Variants in KLHL3 observed in about 807,000 individuals in gnomAD.
KLHL3 encodes the protein kelch like family member 3, also known as kelch-like protein 3.
Under a neutral mutation model 70.5 loss-of-function variants are expected in KLHL3, and 19 were observed. The ratio of observed to expected loss-of-function variants is 0.27; its 90% CI spans 0.19 to 0.40. The LOEUF is 0.40. Ranked by LOEUF, KLHL3 falls within the 10% of genes least tolerant of loss-of-function variation. The pLI, the probability that KLHL3 is intolerant of heterozygous loss-of-function variation, is 1.00. For missense variants in KLHL3, 512 were observed against 771.1 expected (o/e 0.66, Z 3.98); for synonymous variants, 258 against 290.3 (o/e 0.89, Z 1.13).
chr5:137,625,658 A>G (rs1750439868), intron 14 of KLHL3, 95 bp downstream of exon 14: 18 of 1,458,178 alleles, frequency 1.2e-5, no homozygotes, highest in Non-Finnish European at 1.5e-5. Flanking sequence ...AAGTTAAGCA[A>G]GCTCACATCC....
intron 7 of KLHL3, among the ~76,000 whole-genome samples, chr5:137,660,468 A>T (rs1009939446): frequency 6.6e-6 from 1 of 152,118 alleles, no homozygotes. Context: ...AGGCAAGTTC[A>T]CTTCCTCCGC....
intron 12 of KLHL3, among the ~76,000 whole-genome samples, chr5:137,630,317 T>C (rs1750602285): frequency 6.6e-6 from 1 of 152,020 alleles, no homozygotes; most frequent in African/African-American, 2.4e-5. Context: ...TCCTCCAGTG[T>C]AGGTAAGAGA....
At chr5:137,713,264 C>T (rs374137746) in intron 2 of KLHL3, among the ~76,000 whole-genome samples, 5 of 151,480 alleles carry the variant, frequency 3.3e-5, no homozygotes, top group East Asian at 1.9e-4. Flanking sequence ...CAGGAGTTCA[C>T]GACCAGCCTG....
At chr5:137,634,422 C>A (rs1401769517) in intron 11 of KLHL3, among the ~76,000 whole-genome samples, 1 of 152,186 alleles carries the variant, frequency 6.6e-6, no homozygotes, top group Non-Finnish European at 1.5e-5. Context: ...CCCGCAAATA[C>A]CCAGCACAAA....
rs143791788 is a variant in KLHL3, at chr5:137,628,043, C to A, written c.1591+254G>T. 1.4e-5 allele frequency: 7 copies of A among 493,376 alleles called. No homozygotes were observed. In the East Asian group the frequency reaches 1.9e-4, roughly 13 times the overall value. The allele number at this position is 493,376 out of a possible 1,614,324, so 30.6% of individuals were successfully genotyped here. ...TCCCAGGTCTGTGCTCATCTGTGTG[C>A]GGTAAAAGTCATCACCCTTCACTGC... On this transcript the variant is annotated intron_variant, in intron 13 of 14. Transcript: ENST00000309755.
intron 12 of KLHL3, among the ~76,000 whole-genome samples, chr5:137,631,521 G>A (rs1750637048): frequency 6.6e-6 from 1 of 152,194 alleles, no homozygotes; most frequent in Non-Finnish European, 1.5e-5. Context: ...GCTCAGCTTT[G>A]TCAACTGAAG....
At chr5:137,627,389 G>C (rs1007862699) in intron 13 of KLHL3, among the ~76,000 whole-genome samples, 2 of 151,202 alleles carry the variant, frequency 1.3e-5, no homozygotes, top group Non-Finnish European at 2.9e-5. Flanking sequence ...CTGCCTTAAG[G>C]GTCCTGTAAT....
intron 3 of KLHL3, 27 bp downstream of exon 3, chr5:137,709,723 T>A: frequency 6.5e-7 from 1 of 1,544,438 alleles, no homozygotes; most frequent in Non-Finnish European, 9.0e-7. Context: ...CCCATAACCA[T>A]GGGTTAATGG....
intron 5 of KLHL3, among the ~76,000 whole-genome samples, chr5:137,678,000 C>T (rs146192621): frequency 1.1e-3 from 171 of 152,290 alleles, no homozygotes; most frequent in African/African-American, 3.8e-3. Flanking sequence ...GCTTATTTCC[C>T]CTCAGAGTGC....
chr5:137,682,637 C>T (rs1045494250), intron 5 of KLHL3, among the ~76,000 whole-genome samples: 1 of 152,098 alleles, frequency 6.6e-6, no homozygotes, highest in African/African-American at 2.4e-5. Flanking sequence ...TCCCAAAGCC[C>T]CCCAAACAAG....
chr5:137,637,262 G>A (rs1220615216), intron 11 of KLHL3, 32 bp downstream of exon 11: 8 of 1,565,622 alleles, frequency 5.1e-6, no homozygotes, highest in Non-Finnish European at 7.0e-6. Context: ...GGGCCAGGTA[G>A]GCCTGGCCAC....
intron 12 of KLHL3, 115 bp downstream of exon 12, chr5:137,633,922 T>C: frequency 1.5e-6 from 2 of 1,329,568 alleles, no homozygotes; most frequent in Non-Finnish European, 2.1e-6. Context: ...TTATGCAATA[T>C]ATCCATGTAA....
At chr5:137,632,251 C>G (rs1750656449) in intron 12 of KLHL3, among the ~76,000 whole-genome samples, 2 of 152,272 alleles carry the variant, frequency 1.3e-5, no homozygotes, top group Non-Finnish European at 2.9e-5. Flanking sequence ...TACCTGACTT[C>G]AAATTATATT....
At chr5:137,696,436 A>G (rs1752447006) in intron 4 of KLHL3, among the ~76,000 whole-genome samples, 1 of 152,276 alleles carries the variant, frequency 6.6e-6, no homozygotes, top group East Asian at 1.9e-4. Flanking sequence ...GCAACTGAGG[A>G]CAAATTACTT....
chr5:137,668,657 G>T (rs910369156), intron 6 of KLHL3, among the ~76,000 whole-genome samples: 2 of 152,112 alleles, frequency 1.3e-5, no homozygotes, highest in African/African-American at 4.8e-5. Flanking sequence ...TTAAATGAAA[G>T]CTTAACAAGA....
chr5:137,729,872 G>A (rs73790042), intron 1 of KLHL3, among the ~76,000 whole-genome samples: 3,484 of 152,194 alleles, frequency 0.023, 123 homozygotes, highest in African/African-American at 0.078. Context: ...ACTTGGTGGT[G>A]CAGTCCTGCT....
At chr5:137,661,174 T>C (rs1432925724) in intron 7 of KLHL3, 2 of 152,254 alleles carry the variant, frequency 1.3e-5, no homozygotes, top group Non-Finnish European at 2.9e-5. Flanking sequence ...GGAAGAACTA[T>C]GCACTGCAGA....
intron 5 of KLHL3, among the ~76,000 whole-genome samples, chr5:137,684,682 C>T (rs1752120491): frequency 1.3e-5 from 2 of 152,246 alleles, no homozygotes. Flanking sequence ...ACAAAGTCCC[C>T]ATAACCCTAG....
chr5:137,719,350 G>A (rs964144359), intron 2 of KLHL3, among the ~76,000 whole-genome samples: 1 of 152,252 alleles, frequency 6.6e-6, no homozygotes, highest in Non-Finnish European at 1.5e-5. Context: ...CCTATGAAGT[G>A]CCAGGTGCTA....
Sources: gnomAD v4.1 joint callset for allele counts (sites outside exome capture counted in the v4.1 genomes callset) on GRCh38, gnomAD v4.1.1 for gene constraint, MANE v1.5 for transcripts, NCBI Gene and HGNC (gene_info 2026-07-23, HGNC 2026-07-21) for gene names.